TANC1: variants seen among roughly 807,000 people sequenced by gnomAD.
TANC1 encodes protein TANC1.
TANC1 carries 77 observed loss-of-function variants against 149.7 expected under a neutral mutation model. That is an observed-to-expected ratio of 0.51 (90% confidence interval 0.43 to 0.62). The LOEUF is 0.62. TANC1 is among the 20% of genes least tolerant of loss of function. The pLI is 0.00. For missense variants in TANC1, 1,985 were observed against 2,321.8 expected, an observed-to-expected ratio of 0.85 and a Z score of 2.98; for synonymous variants, 854 against 925.0, an observed-to-expected ratio of 0.92 and a Z score of 1.39.
chr2:159,094,374 G>C (rs1378553318), intron 3 of TANC1, among the ~76,000 whole-genome samples: 2 of 152,204 alleles, frequency 1.3e-5, no homozygotes, highest in African/African-American at 4.8e-5. Flanking sequence ...TCTGTCTCTT[G>C]GTGATTCTTG....
chr2:159,051,302 A>G (rs2041445403), intron 2 of TANC1, among the ~76,000 whole-genome samples: 1 of 152,156 alleles, frequency 6.6e-6, no homozygotes. Flanking sequence ...GCAACTCCCT[A>G]TTCCTCCCCA....
At chr2:159,149,435 G>C in intron 6 of TANC1, 163 bp downstream of exon 6, 1 of 984,060 alleles carries the variant, frequency 1.0e-6, no homozygotes, top group Non-Finnish European at 1.5e-6. Flanking sequence ...CTGGGTTTTT[G>C]CAGTGGGGAG....
intron 1 of TANC1, among the ~76,000 whole-genome samples, chr2:158,975,891 T>G (rs1559089610): frequency 6.6e-6 from 1 of 151,230 alleles, no homozygotes; most frequent in Non-Finnish European, 1.5e-5. Context: ...TGGACTGCAG[T>G]GGCATGATCA....
At chr2:159,166,875 G>A (rs182649829) in intron 8 of TANC1, among the ~76,000 whole-genome samples, 5 of 152,328 alleles carry the variant, frequency 3.3e-5, no homozygotes, top group East Asian at 1.9e-4. Flanking sequence ...CGGCTTAATC[G>A]TATTTGAAAT....
intron 19 of TANC1, among the ~76,000 whole-genome samples, chr2:159,199,736 T>C (rs1209493110): frequency 2.0e-5 from 3 of 152,262 alleles, no homozygotes; most frequent in Non-Finnish European, 4.4e-5. Flanking sequence ...AGCATGAGTA[T>C]TTAAAATGAA....
intron 1 of TANC1, among the ~76,000 whole-genome samples, chr2:158,994,864 G>A (rs532575354): frequency 3.1e-4 from 47 of 152,286 alleles, no homozygotes; most frequent in African/African-American, 8.2e-4. Context: ...ACTACTGTTT[G>A]GAGAAAGAAC....
chr2:159,164,368 G>C (rs930904854), intron 8 of TANC1, among the ~76,000 whole-genome samples: 34 of 152,158 alleles, frequency 2.2e-4, no homozygotes, highest in African/African-American at 7.7e-4. Context: ...ATATATAGGA[G>C]GATGTTTGTA....
chr2:159,220,251 G>A (rs2059616365), intron 22 of TANC1, among the ~76,000 whole-genome samples: 1 of 150,844 alleles, frequency 6.6e-6, no homozygotes, highest in Admixed American at 6.6e-5. Flanking sequence ...TATGGTAAGT[G>A]ACTAATCAAA....
At chr2:159,057,265 C>A (rs2041922804) in intron 2 of TANC1, among the ~76,000 whole-genome samples, 1 of 152,216 alleles carries the variant, frequency 6.6e-6, no homozygotes, top group African/African-American at 2.4e-5. Context: ...CAGGGCTATC[C>A]TGAACCTTCA....
chr2:159,050,654 T>C (rs572881292), intron 2 of TANC1, among the ~76,000 whole-genome samples: 225 of 152,348 alleles, frequency 1.5e-3, no homozygotes, highest in African/African-American at 5.2e-3. Flanking sequence ...AAGAGGATAA[T>C]TATAGTTCCC....
rs570521230 is a variant in TANC1, at chr2:159,185,864, C to T, written c.2584C>T (p.Leu862Phe). 2.5e-6 allele frequency: 4 copies of T among 1,614,140 alleles called. No individual in the cohort carries two copies. In the East Asian group the frequency reaches 6.7e-5, roughly 27 times the overall value. ...GKLNRQQTME[L>F]GHHILKAHIF... Reference sequence around the variant, plus strand: ...GTTGAACCGCCAGCAGACCATGGAGCTTGGCCACCACATCCTGAAGGCGCA... The same window carrying T: ...GTTGAACCGCCAGCAGACCATGGAGTTTGGCCACCACATCCTGAAGGCGCA... Residue 862 changes from leucine (L) to phenylalanine (F), a missense_variant, in exon 15 of 27, where the codon CTT becomes TTT. By Grantham distance (22) the Leu-to-Phe change is conservative. Around this residue, in one of 3 missense-constraint regions of TANC1, gnomAD observed 508 missense variants for 714.2 expected, o/e 0.71. Transcript: ENST00000263635.
chr2:159,069,207 T>A (rs1015724463), intron 3 of TANC1, among the ~76,000 whole-genome samples: 1 of 152,226 alleles, frequency 6.6e-6, no homozygotes, highest in Non-Finnish European at 1.5e-5. Context: ...CGGTGGAGAA[T>A]GTAATTTTTA....
intron 2 of TANC1, among the ~76,000 whole-genome samples, chr2:159,051,361 C>T (rs368146612): frequency 7.9e-5 from 12 of 152,260 alleles, no homozygotes; most frequent in African/African-American, 2.6e-4. Flanking sequence ...TTCTGTGCTG[C>T]GTCACAATAG....
intron 3 of TANC1, among the ~76,000 whole-genome samples, chr2:159,094,777 G>T (rs264632): frequency 6.0e-5 from 9 of 149,160 alleles, no homozygotes; most frequent in East Asian, 2.0e-4. Flanking sequence ...GTGTGTGTGG[G>T]GGGGGGGTGG....
At chr2:159,062,175 T>G (rs1161976367) in intron 2 of TANC1, among the ~76,000 whole-genome samples, 1 of 152,022 alleles carries the variant, frequency 6.6e-6, no homozygotes, top group Non-Finnish European at 1.5e-5. Flanking sequence ...GAGGTGGAGG[T>G]TGCAGTGAGC....
chr2:159,011,803 G>A (rs756664100), intron 2 of TANC1, among the ~76,000 whole-genome samples: 1 of 152,080 alleles, frequency 6.6e-6, no homozygotes, highest in Non-Finnish European at 1.5e-5. Context: ...TCCCACTCCC[G>A]AATTCCACAG....
At chr2:159,007,424 G>C (rs1029518407) in intron 2 of TANC1, among the ~76,000 whole-genome samples, 4 of 152,142 alleles carry the variant, frequency 2.6e-5, no homozygotes, top group African/African-American at 9.7e-5. Context: ...GGGATTGCAG[G>C]CATGAGCCAC....
chr2:159,073,707 T>A lies in TANC1; in HGVS notation c.61+7736T>A, dbSNP rs181304326. Among the ~76,000 whole-genome samples, 8 of 152,362 alleles carry A rather than the reference T, an allele frequency of 5.3e-5. No individual in the cohort carries two copies. The East Asian group carries it at 1.5e-3, about 29-fold the overall frequency. Reference sequence around the variant, plus strand: ...CAGACTTAGTTTTCAGAAAGTTCCATGTATATGTAACTTAATTCCCATAAA... The same window carrying A: ...CAGACTTAGTTTTCAGAAAGTTCCAAGTATATGTAACTTAATTCCCATAAA... On this transcript the variant is annotated intron_variant, in intron 3 of 26. Transcript: ENST00000263635.
chr2:159,208,762 C>A (rs34861065), intron 19 of TANC1, among the ~76,000 whole-genome samples: 24,680 of 152,124 alleles, frequency 0.16, 2,689 homozygotes, highest in Middle Eastern at 0.27. Flanking sequence ...GGAAGGTGTT[C>A]AAAACCACAA....
Sources: allele counts gnomAD v4.1 joint callset (sites outside exome capture counted in the v4.1 genomes callset), GRCh38; gene constraint gnomAD v4.1.1; regional missense constraint gnomAD v4.1.1; transcripts MANE v1.5; gene names NCBI Gene and HGNC (gene_info 2026-07-23, HGNC 2026-07-21).